Variants in HSPA12A observed in about 807,000 individuals in gnomAD.
HSPA12A encodes heat shock 70 kDa protein 12A.
HSPA12A carries 28 observed loss-of-function variants against 69.2 expected under a neutral mutation model. That is an observed-to-expected ratio of 0.40 (90% CI 0.30 to 0.55). HSPA12A has a LOEUF of 0.55. Among genes scored for constraint, HSPA12A ranks in the 20% least tolerant of loss-of-function variants. HSPA12A has a pLI of 0.38. For missense variants in HSPA12A, 686 were observed against 900.7 expected, an observed-to-expected ratio of 0.76 and a Z score of 3.05; for synonymous variants, 345 against 370.5, an observed-to-expected ratio of 0.93 and a Z score of 0.79.
chr10:116,810,844 AC>A (rs1335706290), intron 2 of HSPA12A, among the ~76,000 whole-genome samples: 1 of 152,156 alleles, frequency 6.6e-6, no homozygotes, highest in Non-Finnish European at 1.5e-5. Flanking sequence ...ACTGAGACCC[AC>A]GGTAATTTAG....
intron 4 of HSPA12A, among the ~76,000 whole-genome samples, chr10:116,699,549 C>T (rs1026624700): frequency 2.0e-5 from 3 of 152,120 alleles, no homozygotes; most frequent in Non-Finnish European, 4.4e-5. Flanking sequence ...TTATGCTTTG[C>T]CTTGGGAGTG....
At chr10:116,755,831 T>C (rs1554888724) in intron 2 of HSPA12A, among the ~76,000 whole-genome samples, 1 of 137,906 alleles carries the variant, frequency 7.3e-6, no homozygotes, top group Non-Finnish European at 1.6e-5. Context: ...AATACAAAAA[T>C]ACAAAAATAA....
intron 2 of HSPA12A, among the ~76,000 whole-genome samples, chr10:116,748,972 G>C (rs1554888052): frequency 6.6e-6 from 1 of 152,128 alleles, no homozygotes; most frequent in Non-Finnish European, 1.5e-5. Flanking sequence ...CTCATCTGCA[G>C]AGCAGACCCA....
chr10:116,708,941 G>A (rs1850341399), intron 1 of HSPA12A, among the ~76,000 whole-genome samples: 1 of 152,142 alleles, frequency 6.6e-6, no homozygotes, highest in Non-Finnish European at 1.5e-5. Context: ...CATTGCTAGT[G>A]GGAATATAAA....
At chr10:116,790,535 C>T (rs185760472) in intron 2 of HSPA12A, among the ~76,000 whole-genome samples, 1 of 152,196 alleles carries the variant, frequency 6.6e-6, no homozygotes, top group African/African-American at 2.4e-5. Context: ...CTTGCTGTTC[C>T]CTTTGCCTGG....
chr10:116,762,904 G>A (rs1486343990), intron 2 of HSPA12A, among the ~76,000 whole-genome samples: 1 of 152,104 alleles, frequency 6.6e-6, no homozygotes, highest in African/African-American at 2.4e-5. Flanking sequence ...AATTCAGTAG[G>A]GCATCCCTCC....
chr10:116,727,274 C>T (rs1614273), intron 1 of HSPA12A, among the ~76,000 whole-genome samples: 105,209 of 152,118 alleles, frequency 0.69, 36,920 homozygotes, highest in Middle Eastern at 0.87. Flanking sequence ...TCATCTGGCA[C>T]TAGATGGGCC....
At chr10:116,689,918 C>T (rs1461074461) in intron 6 of HSPA12A, among the ~76,000 whole-genome samples, 3 of 152,140 alleles carry the variant, frequency 2.0e-5, no homozygotes, top group Non-Finnish European at 4.4e-5. Context: ...AGATGAGGCC[C>T]ACCTTCCTCA....
intron 1 of HSPA12A, among the ~76,000 whole-genome samples, chr10:116,843,666 G>A (rs979014101): frequency 4.6e-5 from 7 of 152,164 alleles, no homozygotes; most frequent in African/African-American, 1.7e-4. Flanking sequence ...CTGGGGGAAG[G>A]CTTCATCATT....
intron 1 of HSPA12A, among the ~76,000 whole-genome samples, chr10:116,836,211 A>G (rs1246174990): frequency 6.6e-6 from 1 of 152,074 alleles, no homozygotes; most frequent in South Asian, 2.1e-4. Flanking sequence ...TGCGGAGCTT[A>G]TTGAAAAGCT....
At chr10:116,793,213 TA>T (rs1205323801) in intron 2 of HSPA12A, among the ~76,000 whole-genome samples, 10 of 152,076 alleles carry the variant, frequency 6.6e-5, no homozygotes, top group African/African-American at 2.4e-4. Flanking sequence ...GCAAAAGGAA[TA>T]AAAAACACTA....
At position 116,723,639 on chromosome 10, in the gene HSPA12A, G is replaced by C. The variant is rs1341543612; in HGVS notation, c.41-16354C>G. 6.6e-6 allele frequency among the ~76,000 whole-genome samples: 1 copy of C among 152,218 alleles called. No homozygotes were observed. The highest frequency in any genetic ancestry group is 2.4e-5 in the African/African-American group (1 of 41,456). On this transcript the variant is annotated intron_variant, in intron 1 of 11. Coordinates refer to ENST00000369209, the MANE Select transcript of HSPA12A (RefSeq NM_025015.3). This position sits in a 1 kb window ranked among gnomAD's most constrained non-coding sequence, Gnocchi z 4.1. ...CTGGGTGAGGTTAGGTGCTCAGGAA[G>C]CATGGGGCCTCCCCTGACATTCATT...
chr10:116,763,707 C>A (rs893881496), intron 2 of HSPA12A, among the ~76,000 whole-genome samples: 2 of 152,134 alleles, frequency 1.3e-5, no homozygotes, highest in South Asian at 4.1e-4. Flanking sequence ...CCCTCATGAA[C>A]AAAATGTGCT....
chr10:116,820,212 TA>T (rs1223711189), intron 2 of HSPA12A, among the ~76,000 whole-genome samples: 1 of 152,064 alleles, frequency 6.6e-6, no homozygotes, highest in African/African-American at 2.4e-5. Context: ...CAAAATATTT[TA>T]AAAAATTAAA....
chr10:116,711,680 T>TTC (rs1312282595), intron 1 of HSPA12A, among the ~76,000 whole-genome samples: 6 of 149,576 alleles, frequency 4.0e-5, no homozygotes, highest in African/African-American at 1.5e-4. Flanking sequence ...TTTTTTTTTT[T>TTC]TCGAGACTGA....
At chr10:116,757,948 CTAACA>C (rs1843888049) in intron 2 of HSPA12A, among the ~76,000 whole-genome samples, 1 of 152,218 alleles carries the variant, frequency 6.6e-6, no homozygotes, top group South Asian at 2.1e-4. Context: ...AAGCAATGCA[CTAACA>C]TATCAATAGG....
chr10:116,811,453 A>G (rs1036518457), intron 2 of HSPA12A, among the ~76,000 whole-genome samples: 1 of 152,038 alleles, frequency 6.6e-6, no homozygotes, highest in Non-Finnish European at 1.5e-5. Flanking sequence ...AGCCTCTTAG[A>G]TCTTCCAGGA....
At chr10:116,787,090 A>G (rs1844595375) in intron 2 of HSPA12A, among the ~76,000 whole-genome samples, 2 of 152,020 alleles carry the variant, frequency 1.3e-5, no homozygotes, top group East Asian at 1.9e-4. Context: ...GCATATTTAG[A>G]AAGCTCCCCA....
At chr10:116,679,125 T>C (rs1223942271) in intron 10 of HSPA12A, among the ~76,000 whole-genome samples, 6 of 152,226 alleles carry the variant, frequency 3.9e-5, no homozygotes, top group Admixed American at 2.6e-4. Flanking sequence ...CAAATATTTA[T>C]TGAGCACCTA....
Sources: gnomAD v4.1 joint callset for allele counts (sites outside exome capture counted in the v4.1 genomes callset) on GRCh38, gnomAD v4.1.1 for gene constraint, Gnocchi (gnomAD v3.1) non-coding constraint, MANE v1.5 for transcripts, NCBI Gene and HGNC (gene_info 2026-07-23, HGNC 2026-07-21) for gene names.